ABR: variants seen among roughly 807,000 people sequenced by gnomAD.
The protein encoded by ABR is active breakpoint cluster region-related protein.
In ABR, 35 loss-of-function variants were observed where a neutral mutation model predicts 107.2. That is an observed-to-expected ratio of 0.33 (90% CI 0.25 to 0.43). The LOEUF (loss-of-function observed/expected upper bound fraction) is 0.43, where lower values mean the gene tolerates loss of function less well. Among genes scored for constraint, ABR ranks in the 20% least tolerant of loss-of-function variants. ABR has a pLI of 1.00. For missense variants in ABR, 815 were observed against 1,115.2 expected (o/e 0.73, Z 3.83); for synonymous variants, 498 against 462.0 (o/e 1.08, Z -1.00).
At chr17:1,120,385 T>G (rs1347523880) in intron 2 of ABR, among the ~76,000 whole-genome samples, 1 of 152,202 alleles carries the variant, frequency 6.6e-6, no homozygotes, top group Non-Finnish European at 1.5e-5. Flanking sequence ...GCAATTCTCC[T>G]GCCTCAGTCT....
At chr17:1,203,106 G>A (rs939616488) in intron 1 of ABR, among the ~76,000 whole-genome samples, 1 of 151,976 alleles carries the variant, frequency 6.6e-6, no homozygotes, top group African/African-American at 2.4e-5. Context: ...GGCTGGTCTC[G>A]AACTCCCGAC....
intron 3 of ABR, among the ~76,000 whole-genome samples, chr17:1,094,107 G>A (rs997643172): frequency 4.0e-5 from 6 of 150,040 alleles, no homozygotes; most frequent in African/African-American, 9.8e-5. Flanking sequence ...CTCTGCGTCC[G>A]GTCAGGCCTC....
rs118124203 is a variant in ABR, at chr17:1,049,207, G to A, written c.1791+843C>T. ...TTTATTTTTATTTTTTTGGAGACACGGTCTGACTCCATCACCCAGGCGCGA... is the reference window on the plus strand; with the variant it reads ...TTTATTTTTATTTTTTTGGAGACACAGTCTGACTCCATCACCCAGGCGCGA... On this transcript the variant is annotated intron_variant, in intron 16 of 22. Coordinates refer to ENST00000302538, the MANE Select transcript of ABR (RefSeq NM_021962.5). Among the ~76,000 whole-genome samples, 1,173 of 152,060 alleles carry A rather than the reference G, an allele frequency of 7.7e-3. 9 individuals are homozygous for A. Among genetic ancestry groups the A allele is most frequent in the Non-Finnish European group, 0.012 (794 of 67,990 alleles).
rs1025294170 is a variant in ABR, at chr17:1,005,819, T to G, written c.*261A>C. The G allele has an allele frequency of 1.9e-6, 1 of 539,736 alleles. No individual in the cohort carries two copies. The highest frequency in any genetic ancestry group is 3.3e-6 in the Non-Finnish European group (1 of 300,404). The allele number at this position is 539,736 out of a possible 1,614,324, so 33.4% of individuals were successfully genotyped here. A position where few individuals can be genotyped will look rare whatever the true frequency, so the allele number is the denominator to read the frequency against. The stretch of plus-strand genomic sequence containing the variant: ...TGCCTGACAAGTGTACATAAAACAA[T>G]TCCCGAACAGCACGGAGCATCAGAC... On this transcript the variant is annotated 3_prime_UTR_variant, in exon 23 of 23. Transcript: ENST00000302538.
upstream of ABR, among the ~76,000 whole-genome samples, chr17:1,189,388 C>T (rs192338499): frequency 1.2e-3 from 170 of 142,234 alleles, no homozygotes; most frequent in Non-Finnish European, 1.9e-3. Context: ...TCGTTCTTGT[C>T]CCCCAGGCTG....
At chr17:1,222,967 C>T (rs530953048) in intron 1 of ABR, among the ~76,000 whole-genome samples, 5 of 151,852 alleles carry the variant, frequency 3.3e-5, no homozygotes, top group South Asian at 4.2e-4. Context: ...TTTGGGAGTC[C>T]GAGTCAGGCA....
At chr17:1,074,634 G>A (rs2035553908) in intron 6 of ABR, among the ~76,000 whole-genome samples, 1 of 152,242 alleles carries the variant, frequency 6.6e-6, no homozygotes, top group South Asian at 2.1e-4. Context: ...TCAGAGGAAA[G>A]ACCCCTCCCC....
chr17:1,040,227 C>T (rs1018358035), intron 16 of ABR, among the ~76,000 whole-genome samples: 3 of 152,148 alleles, frequency 2.0e-5, no homozygotes, highest in Non-Finnish European at 4.4e-5. Flanking sequence ...CAGGCAGGGT[C>T]GAATGGGGAC....
intron 16 of ABR, among the ~76,000 whole-genome samples, chr17:1,041,411 G>A (rs555116991): frequency 9.2e-5 from 14 of 152,304 alleles, no homozygotes; most frequent in Middle Eastern, 6.8e-3. Flanking sequence ...TGCTGAAGGT[G>A]GGGTAGGAAT....
At position 1,210,997 on chromosome 17, in the gene ABR, T is replaced by C. The variant is rs1019937495; in HGVS notation, c.838+17796A>G. 6.6e-6 allele frequency among the ~76,000 whole-genome samples: 1 copy of C among 152,174 alleles called. No individual in the cohort carries two copies. Among genetic ancestry groups the C allele is most frequent in the African/African-American group, 2.4e-5 (1 of 41,440 alleles). On this transcript the variant is annotated intron_variant, in intron 1 of 22. Coordinates refer to the ABR transcript ENST00000574139. The surrounding 1 kb of genome is among the most constrained non-coding windows in gnomAD (Gnocchi z 5.6). ...CGAGCTTGTTAAAAACAGAGATTCC[T>C]GGCCGAGCGTGGTGGCTCACGCCTA...
At chr17:1,066,253 C>T (rs1355826816) in intron 10 of ABR, among the ~76,000 whole-genome samples, 1 of 152,180 alleles carries the variant, frequency 6.6e-6, no homozygotes. Flanking sequence ...TATCAACTTG[C>T]AGAAAAATTT....
intron 2 of ABR, among the ~76,000 whole-genome samples, chr17:1,107,429 T>C (rs1291811765): frequency 6.6e-6 from 1 of 152,180 alleles, no homozygotes. Context: ...TCCAGGAGAA[T>C]GGGATATAAT....
rs575578102 is a variant in ABR at position 1,009,744 on chromosome 17, G to A, written c.2277C>T (p.His759=). ...DPAAKENCMM[H]LLRSLPDPNL... Reference sequence around the variant, plus strand: ...TGGGGTCGGGCAGGGAGCGGAGCAGGTGCATCATGCAGTTTTCCTTGGCAG... The same window carrying A: ...TGGGGTCGGGCAGGGAGCGGAGCAGATGCATCATGCAGTTTTCCTTGGCAG... The change falls in exon 21 of 23, where the codon CAC becomes CAT. Residue 759 remains histidine, a synonymous_variant. Transcript: ENST00000302538. The A allele has an allele frequency of 6.2e-7, 1 of 1,614,152 alleles. No individual in the cohort carries two copies. Among genetic ancestry groups the A allele is most frequent in the South Asian group, 1.1e-5 (1 of 91,088 alleles).
intron 10 of ABR, among the ~76,000 whole-genome samples, chr17:1,061,858 T>A (rs1312523515): frequency 6.6e-6 from 1 of 152,164 alleles, no homozygotes; most frequent in Non-Finnish European, 1.5e-5. Flanking sequence ...TAACCACCTG[T>A]TTTCTACGTG....
At chr17:1,017,810 C>A (rs1287366638) in intron 16 of ABR, among the ~76,000 whole-genome samples, 1 of 151,882 alleles carries the variant, frequency 6.6e-6, no homozygotes, top group Non-Finnish European at 1.5e-5. Context: ...ACCATGTTGC[C>A]CAGGCTGGTC....
intron 5 of ABR, 124 bp downstream of exon 5, chr17:1,083,396 G>A (rs2036391841): frequency 5.4e-6 from 3 of 557,376 alleles, no homozygotes; most frequent in Non-Finnish European, 9.7e-6. Flanking sequence ...CAAATATCAG[G>A]CTAAGTGTTA....
chr17:1,180,791 T>G (rs1033871305), upstream of ABR, among the ~76,000 whole-genome samples: 1 of 152,146 alleles, frequency 6.6e-6, no homozygotes, highest in Non-Finnish European at 1.5e-5. Context: ...CCAAGGGCAG[T>G]GAAGAGATTG....
chr17:1,210,974 A>C lies in ABR; in HGVS notation c.838+17819T>G, dbSNP rs1209173577. On this transcript the variant is annotated intron_variant, in intron 1 of 22. Transcript: ENST00000574139. This position sits in a 1 kb window ranked among gnomAD's most constrained non-coding sequence, Gnocchi z 5.6. ...GGACTGGCTGCTGAAAAATCTCCCG[A>C]GCTTGTTAAAAACAGAGATTCCTGG... Among the ~76,000 whole-genome samples, 1 of 152,134 alleles carries C rather than the reference A, an allele frequency of 6.6e-6. No homozygotes were observed. The highest frequency in any genetic ancestry group is 2.4e-5 in the African/African-American group (1 of 41,430).
intron 10 of ABR, among the ~76,000 whole-genome samples, chr17:1,060,003 C>T (rs796874307): frequency 1.1e-4 from 16 of 152,330 alleles, no homozygotes; most frequent in African/African-American, 3.1e-4. Context: ...GAGGCACCTG[C>T]GCAGTGATGT....
Sources: allele counts gnomAD v4.1 joint callset (sites outside exome capture counted in the v4.1 genomes callset), GRCh38; gene constraint gnomAD v4.1.1; non-coding constraint Gnocchi (gnomAD v3.1); transcripts MANE v1.5; gene names NCBI Gene and HGNC (gene_info 2026-07-23, HGNC 2026-07-21).